GRM5: variants seen among roughly 807,000 people sequenced by gnomAD.
The protein encoded by GRM5 is metabotropic glutamate receptor 5.
A neutral mutation model predicts 83.1 loss-of-function variants in GRM5; 19 were observed. The observed-to-expected ratio is 0.23, with a 90% confidence interval of 0.16 to 0.34. GRM5 has a LOEUF of 0.34. Among genes scored for constraint, GRM5 ranks in the 10% least tolerant of loss-of-function variants. GRM5 has a pLI of 1.00. For missense variants in GRM5, 1,160 were observed against 1,588.3 expected, an observed-to-expected ratio of 0.73 and a Z score of 4.58; for synonymous variants, 675 against 633.6, an observed-to-expected ratio of 1.07 and a Z score of -0.98.
At chr11:88,740,739 T>C (rs543865641) in intron 3 of GRM5, among the ~76,000 whole-genome samples, 55 of 152,132 alleles carry the variant, frequency 3.6e-4, no homozygotes, top group Non-Finnish European at 4.0e-4. Flanking sequence ...CATTAGCACA[T>C]CTTCAACCAA....
At chr11:88,897,363 G>A (rs1397952481) in intron 2 of GRM5, among the ~76,000 whole-genome samples, 1 of 151,798 alleles carries the variant, frequency 6.6e-6, no homozygotes, top group African/African-American at 2.4e-5. Context: ...TTCCCCTCCT[G>A]GGCCCACAGC....
chr11:88,839,021 C>A (rs946635388), intron 3 of GRM5, among the ~76,000 whole-genome samples: 3 of 152,098 alleles, frequency 2.0e-5, no homozygotes, highest in African/African-American at 7.2e-5. Flanking sequence ...TTTTAAATTT[C>A]TGTTCTAGTT....
intron 2 of GRM5, among the ~76,000 whole-genome samples, chr11:88,995,714 AT>A (rs1367730872): frequency 1.3e-5 from 2 of 152,140 alleles, no homozygotes; most frequent in Non-Finnish European, 2.9e-5. Context: ...ATCATTTGAC[AT>A]TTTCTAAATA....
At chr11:88,637,244 G>A (rs1012242861) in intron 4 of GRM5, among the ~76,000 whole-genome samples, 1 of 152,074 alleles carries the variant, frequency 6.6e-6, no homozygotes, top group Non-Finnish European at 1.5e-5. Flanking sequence ...AAAGGCATGG[G>A]CAATGAATTC....
chr11:88,857,228 G>C (rs1001726630), intron 2 of GRM5, among the ~76,000 whole-genome samples: 2 of 152,028 alleles, frequency 1.3e-5, no homozygotes, highest in African/African-American at 4.8e-5. Flanking sequence ...ATATGAGAAT[G>C]CCTGTTTCTC....
At chr11:88,530,014 G>T (rs1941971989) in intron 8 of GRM5, among the ~76,000 whole-genome samples, 1 of 152,030 alleles carries the variant, frequency 6.6e-6, no homozygotes, top group Non-Finnish European at 1.5e-5. Flanking sequence ...ACATTTGGAG[G>T]TTAGAGGATT....
intron 3 of GRM5, among the ~76,000 whole-genome samples, chr11:88,815,452 A>G (rs754936380): frequency 2.6e-5 from 4 of 152,232 alleles, no homozygotes; most frequent in Admixed American, 6.5e-5. Context: ...TAGAAAAGAA[A>G]GAAGGTTCTT....
chr11:88,849,728 C>A (rs1253498312), intron 3 of GRM5, among the ~76,000 whole-genome samples, 178 bp downstream of exon 3: 3 of 152,136 alleles, frequency 2.0e-5, no homozygotes, highest in Non-Finnish European at 4.4e-5. Context: ...CAGCACATGG[C>A]GGATCTACTT....
intron 3 of GRM5, among the ~76,000 whole-genome samples, chr11:88,706,011 T>C (rs1435065791): frequency 2.6e-5 from 4 of 152,058 alleles, no homozygotes; most frequent in African/African-American, 9.7e-5. Context: ...ATTGTACCAA[T>C]GAAGAAACTA....
At chr11:88,841,967 A>G (rs1431232407) in intron 3 of GRM5, among the ~76,000 whole-genome samples, 1 of 152,204 alleles carries the variant, frequency 6.6e-6, no homozygotes, top group Admixed American at 6.5e-5. Flanking sequence ...TGCAATATCA[A>G]TAGGAGGTGG....
rs1941304159 is a variant in GRM5 at position 88,509,524 on chromosome 11, G to T, written c.2727-20C>A. 2 of 1,595,226 alleles carry T rather than the reference G, an allele frequency of 1.3e-6. No homozygotes were observed. Among genetic ancestry groups the T allele is most frequent in the African/African-American group, 1.3e-5 (1 of 74,226 alleles). ...TTGGAACTGAGGAGAGAAGGGAGAG[G>T]AAAGGTGACTCAGCGAGGTGCCCAG... is the stretch of plus-strand genomic sequence containing the variant. On this transcript the variant is annotated intron_variant, in intron 9 of 9. Coordinates refer to ENST00000305447, the MANE Select transcript of GRM5 (RefSeq NM_001143831.3).
intron 3 of GRM5, among the ~76,000 whole-genome samples, chr11:88,738,302 A>T (rs1161741937): frequency 6.6e-6 from 1 of 152,074 alleles, no homozygotes; most frequent in African/African-American, 2.4e-5. Context: ...TGGGAAAATC[A>T]ATGATCAGAA....
At chr11:88,591,462 T>G (rs1270412388) in intron 6 of GRM5, among the ~76,000 whole-genome samples, 1 of 152,204 alleles carries the variant, frequency 6.6e-6, no homozygotes, top group Non-Finnish European at 1.5e-5. Flanking sequence ...TGTTATTCTT[T>G]CGAAATAGAT....
chr11:89,011,213 T>G (rs1432047662), intron 2 of GRM5, among the ~76,000 whole-genome samples: 1 of 152,218 alleles, frequency 6.6e-6, no homozygotes, highest in African/African-American at 2.4e-5. Flanking sequence ...TTTTTTCTTT[T>G]AAAACTTCTG....
rs973557604 is a variant in GRM5 at position 88,629,488 on chromosome 11, T to C, written c.1147+23680A>G. Among the ~76,000 whole-genome samples, 36 of 152,134 alleles carry C rather than the reference T, an allele frequency of 2.4e-4. 1 individual carries two copies. Among genetic ancestry groups the C allele is most frequent in the Admixed American group, 1.6e-3 (24 of 15,248 alleles). On this transcript the variant is annotated intron_variant, in intron 4 of 9. Transcript: ENST00000305447. ...CAAATTCTGAGACCCCCTCCAGAGG[T>C]AGAGGGTTTTGGGAATTAGAATGCC... is the stretch of plus-strand genomic sequence containing the variant.
intron 5 of GRM5, among the ~76,000 whole-genome samples, chr11:88,598,685 A>T (rs1377982109): frequency 6.6e-6 from 1 of 152,164 alleles, no homozygotes; most frequent in East Asian, 1.9e-4. Context: ...GTATTATGTC[A>T]TTGGCTACTT....
At chr11:88,555,503 C>A (rs558604871) in intron 8 of GRM5, among the ~76,000 whole-genome samples, 2 of 152,140 alleles carry the variant, frequency 1.3e-5, no homozygotes, top group Admixed American at 6.6e-5. Flanking sequence ...TTTGGAAGAA[C>A]ATGGCCAATG....
At chr11:88,664,170 T>C (rs1160551732) in intron 3 of GRM5, among the ~76,000 whole-genome samples, 4 of 152,140 alleles carry the variant, frequency 2.6e-5, no homozygotes, top group Non-Finnish European at 4.4e-5. Context: ...ATTACTTGAA[T>C]GATAACTATG....
chr11:88,718,503 T>C (rs1040765323), intron 3 of GRM5, among the ~76,000 whole-genome samples: 2 of 151,996 alleles, frequency 1.3e-5, no homozygotes, highest in African/African-American at 4.8e-5. Flanking sequence ...ACAGTGCAAA[T>C]GTATTCATAT....
Sources: allele counts gnomAD v4.1 joint callset (sites outside exome capture counted in the v4.1 genomes callset), GRCh38; gene constraint gnomAD v4.1.1; transcripts MANE v1.5; gene names NCBI Gene and HGNC (gene_info 2026-07-23, HGNC 2026-07-21).